FMN1: variants seen among roughly 807,000 people sequenced by gnomAD.
FMN1 encodes formin-1.
Under a neutral mutation model 132.4 loss-of-function variants are expected in FMN1, and 110 were observed. The observed-to-expected ratio is 0.83, with a 90% confidence interval of 0.71 to 0.97. The LOEUF (loss-of-function observed/expected upper bound fraction) is 0.97. Ranked by LOEUF, FMN1 falls within the 50% of genes least tolerant of loss-of-function variation. FMN1 has a pLI of 0.00. For synonymous variants in FMN1, 722 were observed against 651.7 expected, an observed-to-expected ratio of 1.11 and a Z score of -1.64; for missense variants, 1,792 against 1,705.3, an observed-to-expected ratio of 1.05 and a Z score of -0.90.
At chr15:32,821,878 T>C (rs2058227569) in intron 17 of FMN1, among the ~76,000 whole-genome samples, 1 of 152,226 alleles carries the variant, frequency 6.6e-6, no homozygotes, top group African/African-American at 2.4e-5. Context: ...TCCTAAATTC[T>C]ACGGTCACAT....
At chr15:33,179,060 C>A (rs1252076131) in intron 3 of FMN1, among the ~76,000 whole-genome samples, 1 of 152,124 alleles carries the variant, frequency 6.6e-6, no homozygotes, top group East Asian at 1.9e-4. Context: ...TTAATGACAG[C>A]TTGATCTTTA....
intron 7 of FMN1, among the ~76,000 whole-genome samples, chr15:32,976,849 G>A (rs1200546539): frequency 1.3e-5 from 2 of 152,166 alleles, no homozygotes; most frequent in East Asian, 1.9e-4. Flanking sequence ...CCATGCTGAT[G>A]CTCGAGAAAC....
rs1169079665 is a variant in FMN1, at chr15:32,765,793, G to GA, written c.*8516dup. The GA allele has an allele frequency of 2.0e-5, 3 of 151,656 alleles. No individual in the cohort carries two copies. The highest frequency in any genetic ancestry group is 7.3e-5 in the African/African-American group (3 of 41,220). 9.4% of individuals were successfully genotyped at this position (151,656 alleles called of 1,614,324 possible). ...ATTGTGACCAAGTACTGTCAAGGAG[G>GA]AAAAAATATATATATATAATACACA... is the stretch of plus-strand genomic sequence containing the variant. On this transcript the variant is annotated 3_prime_UTR_variant, in exon 21 of 21. Transcript: ENST00000616417.
At chr15:33,091,384 A>C (rs1355410908) in intron 4 of FMN1, among the ~76,000 whole-genome samples, 1 of 152,212 alleles carries the variant, frequency 6.6e-6, no homozygotes, top group Non-Finnish European at 1.5e-5. Flanking sequence ...TTCACTCTCT[A>C]CGCAGAGCAA....
chr15:32,966,570 A>C (rs1335040463), intron 8 of FMN1, among the ~76,000 whole-genome samples: 1 of 152,220 alleles, frequency 6.6e-6, no homozygotes, highest in Non-Finnish European at 1.5e-5. Context: ...TTTTTCCTTA[A>C]GTGTCTCTTG....
At chr15:33,081,535 G>T (rs142558293) in intron 5 of FMN1, among the ~76,000 whole-genome samples, 16 of 152,086 alleles carry the variant, frequency 1.1e-4, no homozygotes, top group Non-Finnish European at 1.8e-4. Flanking sequence ...TCTGGTTGTA[G>T]TTCTAGCTGT....
rs180922546 is a variant in FMN1 at position 32,924,769 on chromosome 15, C to G, written c.3226+1405G>C. ...GCCCCATCTCTACTTAAAAAATTAG[C>G]TGTATGTTATGGCGTATGCCTGTAA... On this transcript the variant is annotated intron_variant, in intron 10 of 20. Coordinates refer to ENST00000616417, the MANE Select transcript of FMN1 (RefSeq NM_001277313.2). 3.3e-4 allele frequency among the ~76,000 whole-genome samples: 50 copies of G among 152,262 alleles called. No homozygotes were observed. The East Asian group carries it at 9.3e-3, about 28-fold the overall frequency.
chr15:32,813,429 T>C (rs73386826), intron 17 of FMN1, among the ~76,000 whole-genome samples: 6,678 of 152,252 alleles, frequency 0.044, 491 homozygotes, highest in African/African-American at 0.15. Context: ...ACTTTTTTTT[T>C]CCCAATATAT....
chr15:33,181,358 C>A (rs535356130), intron 2 of FMN1, among the ~76,000 whole-genome samples: 1 of 152,342 alleles, frequency 6.6e-6, no homozygotes, highest in East Asian at 1.9e-4. Context: ...GTCTCTCCTG[C>A]CTCTTCCGAG....
At chr15:33,055,425 G>A (rs1299267541) in intron 6 of FMN1, among the ~76,000 whole-genome samples, 1 of 152,006 alleles carries the variant, frequency 6.6e-6, no homozygotes, top group Non-Finnish European at 1.5e-5. Flanking sequence ...GATCACCGTG[G>A]GTACATGTTG....
chr15:32,907,739 C>G (rs1277231453), intron 12 of FMN1, among the ~76,000 whole-genome samples: 1 of 149,226 alleles, frequency 6.7e-6, no homozygotes, highest in Non-Finnish European at 1.5e-5. Context: ...AAGGTAGCAA[C>G]AGGCAAAAGA....
chr15:32,875,448 T>C (rs1320252033), intron 16 of FMN1, among the ~76,000 whole-genome samples: 1 of 152,144 alleles, frequency 6.6e-6, no homozygotes, highest in Non-Finnish European at 1.5e-5. Flanking sequence ...TCATTTCAAA[T>C]GGGGAAAAGG....
chr15:32,890,996 T>C (rs1368924148), intron 15 of FMN1, among the ~76,000 whole-genome samples: 1 of 152,222 alleles, frequency 6.6e-6, no homozygotes, highest in Non-Finnish European at 1.5e-5. Flanking sequence ...GAAAAGGGTG[T>C]CCTTTTCCCA....
intron 9 of FMN1, among the ~76,000 whole-genome samples, chr15:32,957,101 AAGAC>A (rs768726320): frequency 6.6e-6 from 1 of 152,124 alleles, no homozygotes; most frequent in African/African-American, 2.4e-5. Context: ...ATCTATTAAA[AAGAC>A]AGAGACAGAG....
At chr15:32,807,863 T>C (rs2057736845) in intron 17 of FMN1, among the ~76,000 whole-genome samples, 1 of 152,206 alleles carries the variant, frequency 6.6e-6, no homozygotes, top group East Asian at 1.9e-4. Context: ...CTTGTACAGA[T>C]ACAAAAGGCA....
At chr15:33,003,864 G>C (rs991906263) in intron 7 of FMN1, among the ~76,000 whole-genome samples, 6 of 152,278 alleles carry the variant, frequency 3.9e-5, no homozygotes, top group African/African-American at 1.4e-4. Context: ...CAATGGAACA[G>C]AACAGAGCCC....
At chr15:32,800,392 C>T (rs191491561) in intron 18 of FMN1, among the ~76,000 whole-genome samples, 2 of 152,188 alleles carry the variant, frequency 1.3e-5, no homozygotes, top group East Asian at 1.9e-4. Context: ...TGAGAAAAAC[C>T]GGGAAGGGAA....
chr15:32,874,943 A>G (rs895866803), intron 16 of FMN1, among the ~76,000 whole-genome samples: 4 of 152,170 alleles, frequency 2.6e-5, no homozygotes, highest in Non-Finnish European at 5.9e-5. Context: ...CTGTTAGTAC[A>G]TTAGCCATTA....
intron 17 of FMN1, among the ~76,000 whole-genome samples, chr15:32,841,872 G>A (rs1173320991): frequency 6.6e-6 from 1 of 152,108 alleles, no homozygotes; most frequent in Non-Finnish European, 1.5e-5. Flanking sequence ...AAGCACAAAT[G>A]GTCAGTTTTA....
Sources: gnomAD v4.1 joint callset for allele counts (sites outside exome capture counted in the v4.1 genomes callset) on GRCh38, gnomAD v4.1.1 for gene constraint, MANE v1.5 for transcripts, NCBI Gene and HGNC (gene_info 2026-07-23, HGNC 2026-07-21) for gene names.